The following RIN3 variants were observed in gnomAD, a reference collection of about 807,000 sequenced individuals.
RIN3 encodes the protein Ras and Rab interactor 3.
Under a neutral mutation model 76.3 loss-of-function variants are expected in RIN3, and 54 were observed. The ratio of observed to expected loss-of-function variants is 0.71; its 90% CI spans 0.57 to 0.89. The LOEUF is 0.89. RIN3 is among the 40% of genes least tolerant of loss of function. The pLI is 0.00. For missense variants in RIN3, 1,256 were observed against 1,322.1 expected (o/e 0.95, Z 0.78); for synonymous variants, 576 against 564.0 (o/e 1.02, Z -0.30).
At position 92,641,466 on chromosome 14, in the gene RIN3, GC is replaced by G. The variant is rs1289424786; in HGVS notation, c.532+138del. 1.5e-5 allele frequency: 10 copies of G among 646,852 alleles called. No homozygotes were observed. In the Admixed American group the frequency reaches 2.7e-4, roughly 18 times the overall value. The allele number at this position is 646,852 out of a possible 1,614,324, so 40.1% of individuals were successfully genotyped here. A position where few individuals can be genotyped will look rare whatever the true frequency, so the allele number is the denominator to read the frequency against. On this transcript the variant is annotated intron_variant, in intron 5 of 9. Coordinates refer to ENST00000216487, the MANE Select transcript of RIN3 (RefSeq NM_024832.5). Reference sequence around the variant, plus strand: ...GGGACCACCCACACCCCTGCCTCAGGCTGCTGAGCCACGTGATAGAGAGATT... The same window carrying G: ...GGGACCACCCACACCCCTGCCTCAGGTGCTGAGCCACGTGATAGAGAGATT...
In RIN3 at chr14:92,648,249, G is replaced by T. The variant is rs1037355031; in HGVS notation, c.533-3333G>T. Reference sequence around the variant, plus strand: ...TTGCCCTGCCAGGGTTTGCCAGGGTGCAAACCCCAGGCCTGTCTTGGGGCA... The same window carrying T: ...TTGCCCTGCCAGGGTTTGCCAGGGTTCAAACCCCAGGCCTGTCTTGGGGCA... On this transcript the variant is annotated intron_variant, in intron 5 of 9. Transcript: ENST00000216487. This position sits in a 1 kb window ranked among gnomAD's most constrained non-coding sequence, Gnocchi z 4.1. Among the ~76,000 whole-genome samples, 8 of 152,124 alleles carry T rather than the reference G, an allele frequency of 5.3e-5. No individual in the cohort carries two copies. The highest frequency in any genetic ancestry group is 1.9e-4 in the African/African-American group (8 of 41,426).
At chr14:92,664,364 C>CTTTCTT (rs1555392802) in intron 7 of RIN3, among the ~76,000 whole-genome samples, 67 of 84,448 alleles carry the variant, frequency 7.9e-4, no homozygotes, top group African/African-American at 2.2e-3. Context: ...TTCTTTCTTT[C>CTTTCTT]TTTTTTTTTT....
rs546374361 is a variant in RIN3 at position 92,617,420 on chromosome 14, C to T, written c.440+1941C>T. On this transcript the variant is annotated intron_variant, in intron 4 of 9. Transcript: ENST00000216487. ...GGGCCTTAGTGCCACTCTCTGTTACCATCATTTTGGGTTTCTGGTCTTACT... is the reference window on the plus strand; with the variant it reads ...GGGCCTTAGTGCCACTCTCTGTTACTATCATTTTGGGTTTCTGGTCTTACT... Among the ~76,000 whole-genome samples the T allele has an allele frequency of 1.2e-4, 19 of 152,150 alleles. No individual in the cohort carries two copies. The South Asian group carries it at 3.7e-3, about 30-fold the overall frequency.
intron 3 of RIN3, among the ~76,000 whole-genome samples, chr14:92,600,712 CAAG>C (rs1272323662): frequency 6.6e-6 from 1 of 152,216 alleles, no homozygotes. Context: ...CCGGTTCACT[CAAG>C]GAGCACAAAC....
intron 7 of RIN3, among the ~76,000 whole-genome samples, chr14:92,668,524 C>T (rs915321747): frequency 3.9e-5 from 6 of 152,144 alleles, no homozygotes; most frequent in Non-Finnish European, 8.8e-5. Flanking sequence ...TGAGACTTAA[C>T]CAGCATCTGT....
chr14:92,572,451 C>G (rs1198779061), intron 2 of RIN3, among the ~76,000 whole-genome samples: 2 of 152,110 alleles, frequency 1.3e-5, no homozygotes, highest in African/African-American at 4.8e-5. Flanking sequence ...AGGTTTTTTT[C>G]TATCTCTTGG....
Position 92,513,977 on chromosome 14 carries a change from G to C in RIN3, c.44+1G>C, listed in dbSNP as rs980952225. ...CGCCCGCGCGCGGGGACCCCACGGG[G>C]TAAGTCCGGGCGGCCGCCCCCTCCT... On this transcript the variant is annotated splice_donor_variant, in intron 1 of 9. Transcript: ENST00000216487. LOFTEE classifies it high-confidence loss of function. 2.2e-4 allele frequency: 274 copies of C among 1,239,930 alleles called. No individual in the cohort carries two copies. The highest frequency in any genetic ancestry group is 1.4e-3 in the Admixed American group (34 of 23,566). The allele number at this position is 1,239,930 out of a possible 1,614,324, so 76.8% of individuals were successfully genotyped here.
chr14:92,615,186 G>T (rs1436118211), intron 3 of RIN3, among the ~76,000 whole-genome samples: 1 of 152,034 alleles, frequency 6.6e-6, no homozygotes, highest in East Asian at 1.9e-4. Flanking sequence ...AATACAAACA[G>T]GTAATCTCCT....
Position 92,520,371 on chromosome 14 carries a change from G to A in RIN3, c.44+6395G>A, listed in dbSNP as rs117408525. On this transcript the variant is annotated intron_variant, in intron 1 of 9. Transcript: ENST00000216487. ...GGGGAAGCAAGGATTCCAGTAGAGGGGGGTGGGAGTGGGGCCTTTGAGCCC... is the reference window on the plus strand; with the variant it reads ...GGGGAAGCAAGGATTCCAGTAGAGGAGGGTGGGAGTGGGGCCTTTGAGCCC... Among the ~76,000 whole-genome samples, 844 of 152,328 alleles carry A rather than the reference G, an allele frequency of 5.5e-3. 4 individuals are homozygous for A. Among genetic ancestry groups the A allele is most frequent in the Non-Finnish European group, 8.7e-3 (591 of 68,018 alleles).
chr14:92,630,880 C>T (rs941811060), intron 4 of RIN3, among the ~76,000 whole-genome samples: 1 of 152,188 alleles, frequency 6.6e-6, no homozygotes, highest in African/African-American at 2.4e-5. Flanking sequence ...AGTCACCTGA[C>T]CTCTCCTGGC....
At chr14:92,665,609 C>A (rs1039770072) in intron 7 of RIN3, among the ~76,000 whole-genome samples, 2 of 151,976 alleles carry the variant, frequency 1.3e-5, no homozygotes, top group African/African-American at 4.8e-5. Flanking sequence ...TCTTGATCTC[C>A]TGACCTCATG....
rs143911259 is a variant in RIN3, at chr14:92,621,597, CAATT to C, written c.440+6119_440+6122del. Among the ~76,000 whole-genome samples, 561 of 152,294 alleles carry C rather than the reference CAATT, an allele frequency of 3.7e-3. 4 individuals are homozygous for C. The highest frequency in any genetic ancestry group is 0.013 in the African/African-American group (534 of 41,552). On this transcript the variant is annotated intron_variant, in intron 4 of 9. Coordinates refer to ENST00000216487, the MANE Select transcript of RIN3 (RefSeq NM_024832.5). ...GTAAATTTAAACATTTTATGGTTGACAATTGATTGAGTTTTTGTCTAAGGACCTG... is the reference window on the plus strand; with the variant it reads ...GTAAATTTAAACATTTTATGGTTGACGATTGAGTTTTTGTCTAAGGACCTG...
intron 1 of RIN3, among the ~76,000 whole-genome samples, chr14:92,549,720 G>A (rs1897372038): frequency 6.6e-6 from 1 of 152,230 alleles, no homozygotes; most frequent in African/African-American, 2.4e-5. Context: ...TTTCCTGAGT[G>A]TCTGCTGGCA....
chr14:92,627,752 T>G (rs931263961), intron 4 of RIN3, among the ~76,000 whole-genome samples: 1 of 152,210 alleles, frequency 6.6e-6, no homozygotes, highest in African/African-American at 2.4e-5. Context: ...CGTCTCCCCC[T>G]GGGAGATGAC....
chr14:92,589,380 A>G (rs1487721721), intron 3 of RIN3, among the ~76,000 whole-genome samples: 1 of 152,078 alleles, frequency 6.6e-6, no homozygotes, highest in Non-Finnish European at 1.5e-5. Context: ...GCTGGGCTGG[A>G]AGCTTTATGT....
chr14:92,549,791 T>C (rs4904949), intron 1 of RIN3, among the ~76,000 whole-genome samples: 56,096 of 152,180 alleles, frequency 0.37, 10,621 homozygotes, highest in East Asian at 0.6. Flanking sequence ...CAGAAGCCTG[T>C]GGGCCTGCTG....
chr14:92,685,123 G>C lies in RIN3; in HGVS notation c.2604G>C (p.Lys868Asn). The change falls in exon 9 of 10, where the codon AAG (lysine) becomes AAC (asparagine). Residue 868 changes from lysine to asparagine, a missense_variant. Transcript: ENST00000216487. This position sits in a 1 kb window ranked among gnomAD's most constrained non-coding sequence, Gnocchi z 4.7. The stretch of plus-strand genomic sequence containing the variant: ...GGGAGCGCCGGCGTACTCTCAACAA[G>C]GCCCGGGCCTCCCGCTCCTCCGTAC... ...HRWERRRTLN[K>N]ARASRSSVQD... 6.2e-7 allele frequency: 1 copy of C among 1,612,990 alleles called. No individual in the cohort carries two copies. Among genetic ancestry groups the C allele is most frequent in the South Asian group, 1.1e-5 (1 of 91,054 alleles).
At position 92,652,666 on chromosome 14, in the gene RIN3, G is replaced by C; in HGVS notation, c.1617G>C (p.Gly539=). ...TGGCCTCCCTCTCAGACAGCTTGGG[G>C]GTGTCTGTCATGGCCACCGACCAGG... is the stretch of plus-strand genomic sequence containing the variant. ...GSLASLSDSL[G]VSVMATDQDS... is the part of the protein sequence containing the mutation. The change falls in exon 6 of 10, where the codon GGG becomes GGC. Residue 539 remains glycine, a synonymous_variant. Coordinates refer to ENST00000216487, the MANE Select transcript of RIN3 (RefSeq NM_024832.5). This position sits in a 1 kb window ranked among gnomAD's most constrained non-coding sequence, Gnocchi z 6.4. The C allele has an allele frequency of 3.7e-6, 6 of 1,612,596 alleles. No individual in the cohort carries two copies. The highest frequency in any genetic ancestry group is 5.1e-6 in the Non-Finnish European group (6 of 1,180,008).
At position 92,658,418 on chromosome 14, in the gene RIN3, G is replaced by A. The variant is rs540755790; in HGVS notation, c.2027-743G>A. Among the ~76,000 whole-genome samples the A allele has an allele frequency of 8.5e-5, 13 of 152,346 alleles. No homozygotes were observed. The East Asian group carries it at 2.5e-3, about 29-fold the overall frequency. ...GAGCAAGCAAAGCAATGAGTGAGAG[G>A]TCACAGGGCCCGATCACAGCGGGGC... On this transcript the variant is annotated intron_variant, in intron 6 of 9. Transcript: ENST00000216487.
Sources: gnomAD v4.1 joint callset for allele counts (sites outside exome capture counted in the v4.1 genomes callset) on GRCh38, gnomAD v4.1.1 for gene constraint, Gnocchi (gnomAD v3.1) non-coding constraint, MANE v1.5 for transcripts, NCBI Gene and HGNC (gene_info 2026-07-23, HGNC 2026-07-21) for gene names.